The following SUGCT variants were observed in gnomAD, a reference collection of about 807,000 sequenced individuals.
The protein encoded by SUGCT is succinyl-CoA:glutarate-CoA transferase.
In SUGCT, 41 loss-of-function variants were observed where a neutral mutation model predicts 55.0. The observed-to-expected ratio is 0.74, with a 90% CI of 0.58 to 0.97. The LOEUF (loss-of-function observed/expected upper bound fraction) is 0.97, where lower values mean the gene tolerates loss of function less well. Among genes scored for constraint, SUGCT ranks in the 50% least tolerant of loss-of-function variants. SUGCT has a pLI of 0.00. For missense variants in SUGCT, 568 were observed against 547.8 expected (o/e 1.04, Z -0.37); for synonymous variants, 187 against 200.4 (o/e 0.93, Z 0.56).
chr7:40,394,102 G>A (rs1370842459), intron 9 of SUGCT, among the ~76,000 whole-genome samples: 2 of 152,090 alleles, frequency 1.3e-5, no homozygotes, highest in South Asian at 2.1e-4. Flanking sequence ...GCTGAGACAC[G>A]GGCAGGATGA....
At chr7:40,864,177 C>T (rs1214043845), downstream of SUGCT, among the ~76,000 whole-genome samples, 5 of 152,120 alleles carry the variant, frequency 3.3e-5, no homozygotes, top group African/African-American at 4.8e-5. Context: ...TTCAACATCT[C>T]AGTTGCCTGG....
intron 6 of SUGCT, among the ~76,000 whole-genome samples, chr7:40,202,133 C>T (rs1190896295): frequency 2.0e-5 from 3 of 152,056 alleles, no homozygotes; most frequent in African/African-American, 7.2e-5. Context: ...CCACCACGCC[C>T]GGATAGTTTT....
the SUGCT span, among the ~76,000 whole-genome samples, chr7:40,871,910 C>T: frequency 6.6e-6 from 1 of 152,168 alleles, no homozygotes; most frequent in South Asian, 2.1e-4. Flanking sequence ...GAATAACCTC[C>T]ACGTTCTAGA....
intron 11 of SUGCT, among the ~76,000 whole-genome samples, chr7:40,460,518 G>A (rs945081038): frequency 2.6e-5 from 4 of 152,090 alleles, no homozygotes; most frequent in East Asian, 1.9e-4. Flanking sequence ...CCTTTCACAC[G>A]ATGGTTACCA....
At chr7:40,797,495 C>T (rs1790604984) in intron 13 of SUGCT, among the ~76,000 whole-genome samples, 1 of 152,202 alleles carries the variant, frequency 6.6e-6, no homozygotes, top group East Asian at 1.9e-4. Flanking sequence ...TCATCCTAGG[C>T]TGCTTCTGCT....
chr7:40,427,145 T>C (rs1323443476), intron 9 of SUGCT, among the ~76,000 whole-genome samples: 1 of 152,126 alleles, frequency 6.6e-6, no homozygotes, highest in Non-Finnish European at 1.5e-5. Context: ...TTGAGACATA[T>C]ATGTCCAGGA....
At chr7:40,487,265 T>G (rs1178677479) in intron 11 of SUGCT, among the ~76,000 whole-genome samples, 2 of 139,786 alleles carry the variant, frequency 1.4e-5, no homozygotes, top group Non-Finnish European at 3.1e-5. Context: ...TTTTTTTTTT[T>G]TTTTTTTTTT....
chr7:40,761,404 A>G (rs12540647), intron 13 of SUGCT, among the ~76,000 whole-genome samples: 2,047 of 152,296 alleles, frequency 0.013, 141 homozygotes, highest in East Asian at 0.092. Context: ...TAACAGCTTA[A>G]TTATGGGAAA....
intron 13 of SUGCT, among the ~76,000 whole-genome samples, chr7:40,849,958 G>A (rs898228496): frequency 2.0e-5 from 3 of 152,166 alleles, no homozygotes; most frequent in Admixed American, 6.5e-5. Context: ...CCGTGAGTCC[G>A]GGACTTCCTA....
At position 40,487,250 on chromosome 7, in the gene SUGCT, G is replaced by GTT. The variant is rs1167865633; in HGVS notation, c.987-9007_987-9006dup. ...CAGGCATGTGCCACCACACCCAGCT[G>GTT]TTTTTTTTTTTTTTTTTTTTTTTTT... On this transcript the variant is annotated intron_variant, in intron 11 of 13. Transcript: ENST00000335693. Among the ~76,000 whole-genome samples the GTT allele has an allele frequency of 1.9e-3, 80 of 42,904 alleles. 5 individuals are homozygous for GTT. The highest frequency in any genetic ancestry group is 3.0e-3 in the African/African-American group (32 of 10,754). 28.1% of individuals were successfully genotyped at this position (42,904 alleles called of 152,430 possible).
chr7:40,364,982 T>C (rs1406283398), intron 9 of SUGCT, among the ~76,000 whole-genome samples: 1 of 152,002 alleles, frequency 6.6e-6, no homozygotes, highest in Admixed American at 6.6e-5. Flanking sequence ...TAGACCAATA[T>C]CCTTGATGAA....
intron 12 of SUGCT, among the ~76,000 whole-genome samples, chr7:40,723,429 C>T (rs138504236): frequency 1.3e-4 from 20 of 152,226 alleles, no homozygotes; most frequent in African/African-American, 4.1e-4. Flanking sequence ...GTAGGGGCTG[C>T]GGCTTTTTCT....
chr7:40,743,226 C>A (rs529308760), intron 12 of SUGCT, among the ~76,000 whole-genome samples: 1 of 152,288 alleles, frequency 6.6e-6, no homozygotes, highest in South Asian at 2.1e-4. Flanking sequence ...AACTTGATAT[C>A]TAAGTTCCTA....
chr7:40,982,236 A>G, the SUGCT span, among the ~76,000 whole-genome samples: 10 of 152,230 alleles, frequency 6.6e-5, no homozygotes, highest in Non-Finnish European at 1.5e-4. Flanking sequence ...AAACAAGTCC[A>G]CAGTGAACAT....
At chr7:40,548,186 C>CTT (rs1186226631) in intron 12 of SUGCT, among the ~76,000 whole-genome samples, 10,731 of 104,818 alleles carry the variant, frequency 0.1, 464 homozygotes, top group Non-Finnish European at 0.11. Context: ...TTCTTTCTTT[C>CTT]TTTTTTTTTT....
At chr7:40,688,186 C>T (rs1334863356) in intron 12 of SUGCT, among the ~76,000 whole-genome samples, 2 of 152,068 alleles carry the variant, frequency 1.3e-5, no homozygotes, top group Non-Finnish European at 2.9e-5. Context: ...CAGTCTTGGC[C>T]CAACAGCTTC....
chr7:40,683,320 C>T (rs879176664), intron 12 of SUGCT, among the ~76,000 whole-genome samples: 4 of 152,084 alleles, frequency 2.6e-5, no homozygotes, highest in Admixed American at 2.0e-4. Context: ...CTGCAAATGT[C>T]GCTTCTCAGA....
At chr7:40,323,983 C>G (rs916103142) in intron 9 of SUGCT, among the ~76,000 whole-genome samples, 3 of 151,998 alleles carry the variant, frequency 2.0e-5, no homozygotes, top group African/African-American at 7.2e-5. Flanking sequence ...CTTTCCATCT[C>G]TCCTCATCCT....
intron 9 of SUGCT, among the ~76,000 whole-genome samples, chr7:40,427,496 T>G (rs1476746540): frequency 6.6e-6 from 1 of 152,176 alleles, no homozygotes; most frequent in African/African-American, 2.4e-5. Context: ...TTAAAAAACT[T>G]TAATTGTTAA....
Sources: allele counts gnomAD v4.1 joint callset (sites outside exome capture counted in the v4.1 genomes callset), GRCh38; gene constraint gnomAD v4.1.1; transcripts MANE v1.5; gene names NCBI Gene and HGNC (gene_info 2026-07-23, HGNC 2026-07-21).